Variants in SERPINI1 observed in about 807,000 individuals in gnomAD.
SERPINI1 encodes serpin family I member 1.
In SERPINI1, 19 loss-of-function variants were observed where a neutral mutation model predicts 41.1. That is an observed-to-expected ratio of 0.46 (90% CI 0.32 to 0.68). SERPINI1 has a LOEUF of 0.68. SERPINI1 is among the 30% of genes least tolerant of loss of function. SERPINI1 has a pLI of 0.03. For missense variants in SERPINI1, 460 were observed against 479.2 expected, an observed-to-expected ratio of 0.96 and a Z score of 0.37; for synonymous variants, 138 against 156.6, an observed-to-expected ratio of 0.88 and a Z score of 0.89.
intron 1 of SERPINI1, among the ~76,000 whole-genome samples, chr3:167,760,087 G>A (rs1447376740): frequency 6.6e-6 from 1 of 152,036 alleles, no homozygotes; most frequent in Non-Finnish European, 1.5e-5. Context: ...CTTTGAACAC[G>A]TGTACATATA....
intron 1 of SERPINI1, among the ~76,000 whole-genome samples, chr3:167,752,869 A>G (rs1002788389): frequency 1.1e-4 from 17 of 152,000 alleles, no homozygotes; most frequent in African/African-American, 2.9e-4. Flanking sequence ...ATTTATCCTC[A>G]TGTCTCAACT....
At chr3:167,796,307 A>G (rs1727709316) in intron 5 of SERPINI1, among the ~76,000 whole-genome samples, 3 of 151,716 alleles carry the variant, frequency 2.0e-5, no homozygotes, top group African/African-American at 7.3e-5. Flanking sequence ...TTATATATTC[A>G]TAATATATAA....
chr3:167,744,104 T>C (rs1420436088), intron 1 of SERPINI1, among the ~76,000 whole-genome samples: 1 of 152,114 alleles, frequency 6.6e-6, no homozygotes, highest in Non-Finnish European at 1.5e-5. Context: ...CAAACACTGG[T>C]TAAGAATGTC....
intron 1 of SERPINI1, among the ~76,000 whole-genome samples, chr3:167,759,280 G>A (rs904539297): frequency 6.0e-5 from 9 of 151,138 alleles, no homozygotes; most frequent in Non-Finnish European, 1.3e-4. Flanking sequence ...ACTACCCAAA[G>A]GAAAATAAAT....
At chr3:167,754,917 A>G (rs573868921) in intron 1 of SERPINI1, among the ~76,000 whole-genome samples, 2 of 152,208 alleles carry the variant, frequency 1.3e-5, no homozygotes, top group South Asian at 4.1e-4. Flanking sequence ...TTCATTCCCT[A>G]TTAACTGACC....
intron 1 of SERPINI1, among the ~76,000 whole-genome samples, chr3:167,755,790 G>A (rs992593251): frequency 1.4e-5 from 2 of 142,900 alleles, no homozygotes; most frequent in Non-Finnish European, 3.0e-5. Flanking sequence ...AGTAGGTGTT[G>A]CTGATTTTTT....
At chr3:167,750,264 G>A (rs1023838761) in intron 1 of SERPINI1, among the ~76,000 whole-genome samples, 3 of 152,120 alleles carry the variant, frequency 2.0e-5, no homozygotes, top group South Asian at 2.1e-4. Flanking sequence ...GCACTGAAAT[G>A]TCTGTTTCAG....
intron 1 of SERPINI1, chr3:167,736,243 G>A (rs988509123): frequency 1.2e-4 from 18 of 152,142 alleles, no homozygotes; most frequent in African/African-American, 4.3e-4. Flanking sequence ...TACCCTTTAC[G>A]TTGGTTTATC....
At position 167,798,147 on chromosome 3, in the gene SERPINI1, G is replaced by T. The variant is rs574901140; in HGVS notation, c.881+3323G>T. On this transcript the variant is annotated intron_variant, in intron 5 of 8. Coordinates refer to ENST00000446050, the MANE Select transcript of SERPINI1 (RefSeq NM_001122752.2). ...AATTCAACCATATTCACTAGAAAAT[G>T]TGGCCTCTAGGTCCTGTCCACTGAG... is the stretch of plus-strand genomic sequence containing the variant. Among the ~76,000 whole-genome samples, 4 of 152,206 alleles carry T rather than the reference G, an allele frequency of 2.6e-5. No homozygotes were observed. In the South Asian group the frequency reaches 8.3e-4, roughly 32 times the overall value.
chr3:167,790,213 A>G (rs1017639757), intron 2 of SERPINI1, among the ~76,000 whole-genome samples, 159 bp from the exon 3 acceptor site: 4 of 152,214 alleles, frequency 2.6e-5, no homozygotes, highest in South Asian at 4.1e-4. Flanking sequence ...TAGAAATAGT[A>G]CAAGTATTGG....
At chr3:167,745,730 C>T (rs1454458049) in intron 1 of SERPINI1, among the ~76,000 whole-genome samples, 3 of 151,698 alleles carry the variant, frequency 2.0e-5, no homozygotes, top group Admixed American at 6.6e-5. Flanking sequence ...GATAGAAGAT[C>T]GATATAAAGA....
At chr3:167,744,700 A>T (rs1725798358) in intron 1 of SERPINI1, among the ~76,000 whole-genome samples, 8 of 132,492 alleles carry the variant, frequency 6.0e-5, no homozygotes, top group African/African-American at 2.3e-4. Context: ...ACATATATAA[A>T]TATATATAAA....
chr3:167,800,964 T>A (rs1727880626), intron 5 of SERPINI1, among the ~76,000 whole-genome samples: 1 of 152,182 alleles, frequency 6.6e-6, no homozygotes, highest in Non-Finnish European at 1.5e-5. Context: ...ATTACAGGCA[T>A]GCGCCACCAT....
intron 1 of SERPINI1, among the ~76,000 whole-genome samples, chr3:167,774,230 G>A (rs1282721723): frequency 6.6e-6 from 1 of 152,010 alleles, no homozygotes; most frequent in Non-Finnish European, 1.5e-5. Flanking sequence ...GGCATATGAG[G>A]TTGCCAATAT....
At chr3:167,775,020 A>C (rs1240121898) in intron 1 of SERPINI1, among the ~76,000 whole-genome samples, 2 of 152,062 alleles carry the variant, frequency 1.3e-5, no homozygotes, top group Non-Finnish European at 2.9e-5. Context: ...CGTATGACTA[A>C]CAGCCCTATA....
chr3:167,816,184 C>G (rs1712081137), intron 6 of SERPINI1, among the ~76,000 whole-genome samples: 1 of 152,104 alleles, frequency 6.6e-6, no homozygotes, highest in Non-Finnish European at 1.5e-5. Flanking sequence ...GCTGGGACTA[C>G]CACGCCCAGC....
chr3:167,817,984 C>T (rs536533709), intron 6 of SERPINI1, among the ~76,000 whole-genome samples: 1 of 151,946 alleles, frequency 6.6e-6, no homozygotes, highest in South Asian at 2.1e-4. Context: ...TAAAAAAGAA[C>T]AAATACTTTT....
At chr3:167,806,124 A>G (rs1045569192) in intron 5 of SERPINI1, among the ~76,000 whole-genome samples, 10 of 152,328 alleles carry the variant, frequency 6.6e-5, no homozygotes, top group African/African-American at 2.2e-4. Context: ...TATATATGCC[A>G]TGAAATACTA....
At chr3:167,777,161 A>T (rs1358421045) in intron 1 of SERPINI1, among the ~76,000 whole-genome samples, 1 of 152,218 alleles carries the variant, frequency 6.6e-6, no homozygotes, top group East Asian at 1.9e-4. Flanking sequence ...ATCCACTGAC[A>T]TCCACTCTGC....
Sources: allele counts gnomAD v4.1 joint callset (sites outside exome capture counted in the v4.1 genomes callset), GRCh38; gene constraint gnomAD v4.1.1; transcripts MANE v1.5; gene names NCBI Gene and HGNC (gene_info 2026-07-23, HGNC 2026-07-21).